The following CAMK1G variants were observed in gnomAD, a reference collection of about 807,000 sequenced individuals.
CAMK1G encodes the protein calcium/calmodulin-dependent protein kinase type 1G.
In CAMK1G, 27 loss-of-function variants were observed where a neutral mutation model predicts 54.8. The ratio of observed to expected loss-of-function variants is 0.49; its 90% CI spans 0.36 to 0.68. The LOEUF (loss-of-function observed/expected upper bound fraction) is 0.68, where lower values mean the gene tolerates loss of function less well. Among genes scored for constraint, CAMK1G ranks in the 30% least tolerant of loss-of-function variants. The pLI, the probability that CAMK1G is intolerant of heterozygous loss-of-function variation, is 0.00. For missense variants in CAMK1G, 512 were observed against 591.0 expected, an observed-to-expected ratio of 0.87 and a Z score of 1.39; for synonymous variants, 238 against 224.9, an observed-to-expected ratio of 1.06 and a Z score of -0.52.
At chr1:209,611,670 A>T in intron 10 of CAMK1G, 118 bp downstream of exon 10, 1 of 1,459,328 alleles carries the variant, frequency 6.9e-7, no homozygotes, top group Non-Finnish European at 9.4e-7. Flanking sequence ...AGCTCCGTGT[A>T]CCCTCTCTGA....
rs1381762961 is a variant in CAMK1G, at chr1:209,594,924, T to C, written c.-29-31T>C. 2.1e-6 allele frequency: 3 copies of C among 1,416,478 alleles called. No homozygotes were observed. In the East Asian group the frequency reaches 7.0e-5, roughly 33 times the overall value. 87.7% of individuals were successfully genotyped at this position (1,416,478 alleles called of 1,614,324 possible). A position where few individuals can be genotyped will look rare whatever the true frequency, so the allele number is the denominator to read the frequency against. On this transcript the variant is annotated intron_variant, in intron 1 of 12. Coordinates refer to ENST00000361322, the MANE Select transcript of CAMK1G (RefSeq NM_020439.3). ...AGAAAGCAGCTGACCAGACCTTTTTTCTCCTCCTTCTCCCACTCCCTGCAA... is the reference window on the plus strand; with the variant it reads ...AGAAAGCAGCTGACCAGACCTTTTTCCTCCTCCTTCTCCCACTCCCTGCAA...
At chr1:209,605,766 G>A in intron 5 of CAMK1G, 92 bp downstream of exon 5, 1 of 1,344,548 alleles carries the variant, frequency 7.4e-7, no homozygotes, top group Non-Finnish European at 1.0e-6. Flanking sequence ...TAAAGTAAGA[G>A]GGTTGGACTA....
At chr1:209,599,620 A>G (rs1665477813) in intron 2 of CAMK1G, among the ~76,000 whole-genome samples, 2 of 152,338 alleles carry the variant, frequency 1.3e-5, no homozygotes, top group East Asian at 1.9e-4. Flanking sequence ...TCAATTGAAC[A>G]TGGACACATT....
chr1:209,596,861 G>A (rs1179664536), intron 2 of CAMK1G, among the ~76,000 whole-genome samples: 1 of 152,124 alleles, frequency 6.6e-6, no homozygotes, highest in East Asian at 1.9e-4. Context: ...TTTAGCCTGG[G>A]TGATTTTTGA....
intron 2 of CAMK1G, among the ~76,000 whole-genome samples, chr1:209,595,930 GCTGGCAGCAGCTCCAGGCCA>G (rs1665370787): frequency 6.6e-6 from 1 of 152,230 alleles, no homozygotes; most frequent in Non-Finnish European, 1.5e-5. Flanking sequence ...TCTGACGCAG[GCTGGCAGCAGCTCCAGGCCA>G]CTGGCCCCCA....
chr1:209,587,059 T>C (rs1349003318), intron 1 of CAMK1G, among the ~76,000 whole-genome samples: 1 of 152,042 alleles, frequency 6.6e-6, no homozygotes, highest in Non-Finnish European at 1.5e-5. Flanking sequence ...ATCTTTGAAA[T>C]GCAGAATGGC....
intron 2 of CAMK1G, among the ~76,000 whole-genome samples, chr1:209,596,865 T>G (rs902388903): frequency 1.3e-5 from 2 of 152,188 alleles, no homozygotes; most frequent in Non-Finnish European, 2.9e-5. Context: ...GCCTGGGTGA[T>G]TTTTGAAAAA....
chr1:209,591,215 G>A (rs1665241684), intron 1 of CAMK1G, among the ~76,000 whole-genome samples: 1 of 152,134 alleles, frequency 6.6e-6, no homozygotes, highest in African/African-American at 2.4e-5. Flanking sequence ...TCTGGCCAGT[G>A]CCTGCATCCT....
chr1:209,610,007 T>C (rs1665743289), intron 9 of CAMK1G, 78 bp downstream of exon 9: 2 of 1,136,370 alleles, frequency 1.8e-6, no homozygotes, highest in East Asian at 4.7e-5. Flanking sequence ...ATATTGCATT[T>C]CCCTGGAATC....
At chr1:209,584,725 G>A (rs1665051629) in intron 1 of CAMK1G, among the ~76,000 whole-genome samples, 1 of 152,124 alleles carries the variant, frequency 6.6e-6, no homozygotes, top group East Asian at 1.9e-4. Flanking sequence ...CCTCTGAGAA[G>A]GGTCAAGAGA....
At chr1:209,593,963 C>T (rs79189591) in intron 1 of CAMK1G, among the ~76,000 whole-genome samples, 126 of 152,326 alleles carry the variant, frequency 8.3e-4, no homozygotes, top group African/African-American at 2.7e-3. Flanking sequence ...GGAGCTCACT[C>T]TGCACCAGCC....
chr1:209,600,567 C>A (rs1315211843), intron 3 of CAMK1G, among the ~76,000 whole-genome samples: 1 of 152,236 alleles, frequency 6.6e-6, no homozygotes, highest in Non-Finnish European at 1.5e-5. Context: ...CCTTGTGAAA[C>A]CCTTATGGTG....
chr1:209,609,210 A>C, intron 8 of CAMK1G, 118 bp downstream of exon 8: 5 of 1,172,740 alleles, frequency 4.3e-6, no homozygotes, highest in Non-Finnish European at 3.6e-6. Flanking sequence ...ATCTTACAGA[A>C]CAGGCTGCCA....
intron 1 of CAMK1G, among the ~76,000 whole-genome samples, chr1:209,586,986 G>A (rs972529013): frequency 5.3e-5 from 8 of 152,224 alleles, no homozygotes; most frequent in Non-Finnish European, 1.0e-4. Flanking sequence ...ATAAACTGCA[G>A]GCAACAATTG....
In CAMK1G at chr1:209,606,302, A is replaced by C. The variant is rs1474585368; in HGVS notation, c.436-18A>C. On this transcript the variant is annotated intron_variant, in intron 5 of 12. Coordinates refer to ENST00000361322, the MANE Select transcript of CAMK1G (RefSeq NM_020439.3). ...TTCAGGTGGTTATATCCTACACTAC[A>C]TATTTTTTCTCCTACAGCCCGAAAA... 1 of 1,612,970 alleles carries C rather than the reference A, an allele frequency of 6.2e-7. No homozygotes were observed. The highest frequency in any genetic ancestry group is 1.3e-5 in the African/African-American group (1 of 74,852).
At chr1:209,595,731 C>T (rs932373125) in intron 2 of CAMK1G, among the ~76,000 whole-genome samples, 2 of 152,216 alleles carry the variant, frequency 1.3e-5, no homozygotes, top group Admixed American at 1.3e-4. Flanking sequence ...CCTGAATCAG[C>T]CCCCTGCACC....
chr1:209,610,484 G>A (rs1665756007), intron 9 of CAMK1G, among the ~76,000 whole-genome samples: 1 of 152,054 alleles, frequency 6.6e-6, no homozygotes, highest in Non-Finnish European at 1.5e-5. Flanking sequence ...TTTATCTCCA[G>A]CCTCTTTTCC....
Position 209,599,968 on chromosome 1 carries a change from G to A in CAMK1G, c.93-15G>A. The A allele has an allele frequency of 6.2e-7, 1 of 1,612,080 alleles. No homozygotes were observed. The highest frequency in any genetic ancestry group is 1.7e-5 in the Admixed American group (1 of 59,904). Reference sequence around the variant, plus strand: ...GCCCCCTACTAAGTTTTATCTTTTGGTGTCTTCTCCTCAGAGGAGCTTTCT... The same window carrying A: ...GCCCCCTACTAAGTTTTATCTTTTGATGTCTTCTCCTCAGAGGAGCTTTCT... On this transcript the variant is annotated splice_polypyrimidine_tract_variant and intron_variant, in intron 2 of 12. Transcript: ENST00000361322.
intron 11 of CAMK1G, 45 bp from the exon 12 acceptor site, chr1:209,612,740 C>G: frequency 1.3e-6 from 2 of 1,552,096 alleles, no homozygotes; most frequent in South Asian, 1.1e-5. Flanking sequence ...ATCGACTCTT[C>G]TTCCCTCAAA....
Sources: gnomAD v4.1 joint callset for allele counts (sites outside exome capture counted in the v4.1 genomes callset) on GRCh38, gnomAD v4.1.1 for gene constraint, MANE v1.5 for transcripts, NCBI Gene and HGNC (gene_info 2026-07-23, HGNC 2026-07-21) for gene names.